Variants in PDIA5 observed in about 807,000 individuals in gnomAD.
PDIA5 encodes the protein protein disulfide isomerase family A member 5, also known as protein disulfide-isomerase A5.
PDIA5 carries 58 observed loss-of-function variants against 77.6 expected under a neutral mutation model. That is an observed-to-expected ratio of 0.75 (90% CI 0.61 to 0.93). PDIA5 has a LOEUF of 0.93. PDIA5 is among the 40% of genes least tolerant of loss of function. The pLI is 0.00. For synonymous variants in PDIA5, 250 were observed against 252.1 expected (o/e 0.99, Z 0.08); for missense variants, 630 against 647.7 (o/e 0.97, Z 0.30).
chr3:123,136,490 C>G (rs905954765), intron 11 of PDIA5, among the ~76,000 whole-genome samples: 1 of 152,110 alleles, frequency 6.6e-6, no homozygotes, highest in Non-Finnish European at 1.5e-5. Flanking sequence ...CCTGTAATCC[C>G]AGCACTTTGG....
chr3:123,093,986 G>C (rs1271326951), intron 3 of PDIA5, among the ~76,000 whole-genome samples: 1 of 152,218 alleles, frequency 6.6e-6, no homozygotes, highest in Non-Finnish European at 1.5e-5. Flanking sequence ...AGCGCAGGGT[G>C]CCTGAGTGAA....
intron 8 of PDIA5, among the ~76,000 whole-genome samples, chr3:123,117,374 T>TTA (rs370968904): frequency 0.037 from 2,928 of 79,866 alleles, 357 homozygotes; most frequent in African/African-American, 0.13. Flanking sequence ...TTCTATGATT[T>TTA]TATATATATA....
chr3:123,138,002 G>A (rs1280944184), intron 11 of PDIA5, among the ~76,000 whole-genome samples: 1 of 152,220 alleles, frequency 6.6e-6, no homozygotes, highest in East Asian at 1.9e-4. Context: ...CTGGAATGCA[G>A]TGGCATAATC....
intron 1 of PDIA5, among the ~76,000 whole-genome samples, chr3:123,074,788 G>A (rs1377025948): frequency 6.6e-6 from 1 of 152,170 alleles, no homozygotes; most frequent in Non-Finnish European, 1.5e-5. Flanking sequence ...ATTTCAGTTA[G>A]AGGTTAGTGA....
chr3:123,088,424 C>T (rs1021822812), intron 1 of PDIA5, among the ~76,000 whole-genome samples: 1 of 152,152 alleles, frequency 6.6e-6, no homozygotes, highest in South Asian at 2.1e-4. Context: ...CCCATCCATT[C>T]CCATCCTAAG....
At chr3:123,116,095 G>T (rs1934991657) in intron 7 of PDIA5, 136 bp from the exon 8 acceptor site, 3 of 737,460 alleles carry the variant, frequency 4.1e-6, no homozygotes, top group Non-Finnish European at 7.3e-6. Context: ...TGTCCCCAGG[G>T]TCTGGAATAG....
chr3:123,148,481 A>T (rs1236882393), intron 13 of PDIA5, among the ~76,000 whole-genome samples: 1 of 151,508 alleles, frequency 6.6e-6, no homozygotes, highest in Non-Finnish European at 1.5e-5. Flanking sequence ...AGGTGGGAGG[A>T]TTGCTTGAAG....
chr3:123,069,321 C>T (rs530675040), intron 1 of PDIA5, among the ~76,000 whole-genome samples: 2 of 152,222 alleles, frequency 1.3e-5, no homozygotes, highest in South Asian at 2.1e-4. Context: ...TGCAGGGATT[C>T]GTGTACAGGG....
chr3:123,136,936 C>A (rs1197756248), intron 11 of PDIA5, among the ~76,000 whole-genome samples: 1 of 151,968 alleles, frequency 6.6e-6, no homozygotes, highest in Non-Finnish European at 1.5e-5. Flanking sequence ...TTTGGATATG[C>A]CAGAAATTTT....
At chr3:123,151,807 T>TGCCTGCCTGCCTTCCTGCCTG (rs1935907194) in intron 14 of PDIA5, among the ~76,000 whole-genome samples, 1 of 119,082 alleles carries the variant, frequency 8.4e-6, no homozygotes, top group Non-Finnish European at 1.7e-5. Flanking sequence ...CTGCCTGCCT[T>TGCCTGCCTGCCTTCCTGCCTG]CCTGCCTGCC....
At chr3:123,117,399 T>TATATATATATATATA (rs60353329) in intron 8 of PDIA5, among the ~76,000 whole-genome samples, 43 of 135,306 alleles carry the variant, frequency 3.2e-4, no homozygotes, top group East Asian at 8.6e-4. Context: ...TATATATATA[T>TATATATATATATATA]TCTGTTTTAG....
At chr3:123,082,698 G>T (rs558632762) in intron 1 of PDIA5, among the ~76,000 whole-genome samples, 2 of 152,076 alleles carry the variant, frequency 1.3e-5, no homozygotes, top group Non-Finnish European at 2.9e-5. Context: ...CGCTAATAAA[G>T]AGAAGTGCAA....
chr3:123,067,368 G>A (rs1217438903), intron 1 of PDIA5, 162 bp downstream of exon 1: 18 of 598,926 alleles, frequency 3.0e-5, no homozygotes, highest in Non-Finnish European at 4.1e-5. Context: ...TGCTACGCGG[G>A]AGACAGCGGG....
intron 8 of PDIA5, among the ~76,000 whole-genome samples, chr3:123,120,306 TAG>T (rs1322423128): frequency 6.6e-6 from 1 of 152,224 alleles, no homozygotes; most frequent in Non-Finnish European, 1.5e-5. Context: ...CCAAGCTCCT[TAG>T]CCTTGGAGCC....
chr3:123,146,815 T>C lies in PDIA5; in HGVS notation c.1142+556T>C, dbSNP rs541184676. 2.1e-5 allele frequency among the ~76,000 whole-genome samples: 3 copies of C among 144,382 alleles called. No individual in the cohort carries two copies. The South Asian group carries it at 7.6e-4, about 37-fold the overall frequency. The allele number at this position is 144,382 out of a possible 152,430, so 94.7% of individuals were successfully genotyped here. On this transcript the variant is annotated intron_variant, in intron 13 of 16. Coordinates refer to ENST00000316218, the MANE Select transcript of PDIA5 (RefSeq NM_006810.4). ...AACAGAAGTTTATTTTCTTACAATT[T>C]TGTTTTGTTTTGTTTTGTTTTGAGA... is the stretch of plus-strand genomic sequence containing the variant.
At chr3:123,146,812 ATTTTG>A (rs59187132) in intron 13 of PDIA5, among the ~76,000 whole-genome samples, 8 of 145,000 alleles carry the variant, frequency 5.5e-5, no homozygotes, top group East Asian at 5.0e-4. Context: ...TTTTCTTACA[ATTTTG>A]TTTTGTTTTG....
intron 7 of PDIA5, among the ~76,000 whole-genome samples, chr3:123,115,209 A>G (rs1934967450): frequency 6.6e-6 from 1 of 152,122 alleles, no homozygotes. Context: ...TGTAGCAGAG[A>G]GGCAGTCGGA....
At chr3:123,103,222 T>C (rs1257869065) in intron 5 of PDIA5, among the ~76,000 whole-genome samples, 1 of 152,222 alleles carries the variant, frequency 6.6e-6, no homozygotes, top group Non-Finnish European at 1.5e-5. Flanking sequence ...AGATGAGATA[T>C]GGGTATCATT....
chr3:123,136,038 C>T (rs979298810), intron 11 of PDIA5, among the ~76,000 whole-genome samples: 1 of 151,808 alleles, frequency 6.6e-6, no homozygotes, highest in South Asian at 2.1e-4. Context: ...TTAAATGATC[C>T]TTCCACTTCA....
Sources: gnomAD v4.1 joint callset for allele counts (sites outside exome capture counted in the v4.1 genomes callset) on GRCh38, gnomAD v4.1.1 for gene constraint, MANE v1.5 for transcripts, NCBI Gene and HGNC (gene_info 2026-07-23, HGNC 2026-07-21) for gene names.